The following PHIP variants were observed in gnomAD, a reference collection of about 807,000 sequenced individuals.
PHIP encodes the protein PHIP subunit of CUL4-Ring ligase complex.
A neutral mutation model predicts 236.8 loss-of-function variants in PHIP; 54 were observed. The ratio of observed to expected loss-of-function variants is 0.23; its 90% CI spans 0.18 to 0.29. The LOEUF is 0.29. Among genes scored for constraint, PHIP ranks in the 10% least tolerant of loss-of-function variants. The pLI is 1.00. For missense variants in PHIP, 1,370 were observed against 2,190.8 expected, an observed-to-expected ratio of 0.63 and a Z score of 7.48; for synonymous variants, 756 against 718.9, an observed-to-expected ratio of 1.05 and a Z score of -0.83.
chr6:78,949,686 C>CT (rs374657247), intron 35 of PHIP, among the ~76,000 whole-genome samples: 89 of 147,384 alleles, frequency 6.0e-4, no homozygotes, highest in South Asian at 3.7e-3. Context: ...CTCTTTTTTA[C>CT]TTTTTTTTTT....
intron 7 of PHIP, among the ~76,000 whole-genome samples, chr6:79,038,504 C>T (rs1239362993): frequency 2.6e-5 from 4 of 152,160 alleles, no homozygotes; most frequent in African/African-American, 9.7e-5. Flanking sequence ...TCATCAATTA[C>T]CTTGACAAAC....
intron 12 of PHIP, 115 bp from the exon 13 acceptor site, chr6:79,016,757 T>A: frequency 1.6e-6 from 1 of 608,944 alleles, no homozygotes; most frequent in Non-Finnish European, 2.9e-6. Context: ...TATGCAGCAT[T>A]CTAATAACTT....
intron 15 of PHIP, among the ~76,000 whole-genome samples, chr6:79,006,114 A>G (rs1205060745): frequency 6.6e-6 from 1 of 152,022 alleles, no homozygotes; most frequent in Non-Finnish European, 1.5e-5. Flanking sequence ...CATATCAGAA[A>G]AAAGAAAAGG....
At position 78,934,513 on chromosome 6, in the gene PHIP, A is replaced by T. The variant is rs560595353; in HGVS notation, c.*6180T>A. Reference sequence around the variant, plus strand: ...ACAATAGTGTGTTGTAAAAACATTAAAAGTCCTTCTGCTAAGGGTTCAGAA... The same window carrying T: ...ACAATAGTGTGTTGTAAAAACATTATAAGTCCTTCTGCTAAGGGTTCAGAA... On this transcript the variant is annotated 3_prime_UTR_variant, in exon 40 of 40. Transcript: ENST00000275034. Among the ~76,000 whole-genome samples, 1 of 152,238 alleles carries T rather than the reference A, an allele frequency of 6.6e-6. No individual in the cohort carries two copies. Among genetic ancestry groups the T allele is most frequent in the Admixed American group, 6.5e-5 (1 of 15,276 alleles).
At chr6:78,960,564 C>T (rs939611596) in intron 31 of PHIP, among the ~76,000 whole-genome samples, 1 of 151,444 alleles carries the variant, frequency 6.6e-6, no homozygotes, top group Non-Finnish European at 1.5e-5. Context: ...TTCTCCTTAT[C>T]TCTACGCTTT....
chr6:78,947,727 C>G lies in PHIP; in HGVS notation c.4102G>C (p.Glu1368Gln), dbSNP rs780615780. ...DTPMDFATVR[E>Q]TLEAGNYESP... is the part of the protein sequence containing the mutation. ...TCATAATTCCCAGCCTCTAAAGTTTCTCTAACGGTAGCAAAATCCATTGGA... is the reference window on the plus strand; with the variant it reads ...TCATAATTCCCAGCCTCTAAAGTTTGTCTAACGGTAGCAAAATCCATTGGA... The change falls in exon 36 of 40, where the codon GAA (glutamate) becomes CAA (glutamine). Residue 1368 changes from glutamate to glutamine, a missense_variant. This residue lies in a region of PHIP where 125 missense variants were observed against 235.1 expected (regional missense o/e 0.53). Transcript: ENST00000275034. 1.2e-6 allele frequency: 2 copies of G among 1,604,442 alleles called. No individual in the cohort carries two copies. Among genetic ancestry groups the G allele is most frequent in the African/African-American group, 2.7e-5 (2 of 74,706 alleles).
At chr6:78,998,457 C>T in intron 17 of PHIP, 66 bp from the exon 18 acceptor site, 2 of 1,324,752 alleles carry the variant, frequency 1.5e-6, no homozygotes, top group Non-Finnish European at 2.1e-6. Flanking sequence ...TACTCACCAA[C>T]CTCACTTATG....
chr6:79,032,445 T>C (rs990472200), intron 7 of PHIP, among the ~76,000 whole-genome samples: 1 of 152,224 alleles, frequency 6.6e-6, no homozygotes, highest in Non-Finnish European at 1.5e-5. Flanking sequence ...ACTGAGTTCA[T>C]GTAATAGTCC....
rs571058025 is a variant in PHIP, at chr6:79,067,086, T to C, written c.190-6268A>G. Among the ~76,000 whole-genome samples the C allele has an allele frequency of 2.5e-4, 38 of 152,294 alleles. 1 individual carries two copies. The South Asian group carries it at 7.5e-3, about 30-fold the overall frequency. On this transcript the variant is annotated intron_variant, in intron 4 of 39. Transcript: ENST00000275034. ...TATTTTTTTAGATACAGCATCTCTCTATGCTGCCCAGGCTAGTCTGGAACT... is the reference window on the plus strand; with the variant it reads ...TATTTTTTTAGATACAGCATCTCTCCATGCTGCCCAGGCTAGTCTGGAACT...
intron 7 of PHIP, among the ~76,000 whole-genome samples, chr6:79,041,949 C>T (rs1772238875): frequency 6.6e-6 from 1 of 151,946 alleles, no homozygotes; most frequent in Non-Finnish European, 1.5e-5. Context: ...AGCAAATTTA[C>T]TAAAAAGAGG....
intron 22 of PHIP, among the ~76,000 whole-genome samples, chr6:78,984,542 C>T (rs990912509): frequency 6.6e-6 from 1 of 152,180 alleles, no homozygotes; most frequent in Non-Finnish European, 1.5e-5. Context: ...AATACAGGAA[C>T]TCCTATGTCA....
intron 6 of PHIP, among the ~76,000 whole-genome samples, chr6:79,056,394 T>C (rs973736916): frequency 2.0e-5 from 3 of 152,066 alleles, no homozygotes; most frequent in Non-Finnish European, 4.4e-5. Context: ...GGTGAGGACA[T>C]GGCAGGAAAA....
Position 78,949,367 on chromosome 6 carries a change from A to G in PHIP, c.4054-1592T>C, listed in dbSNP as rs374513900. 6.4e-4 allele frequency among the ~76,000 whole-genome samples: 98 copies of G among 152,162 alleles called. 2 individuals carry two copies. In the South Asian group the frequency reaches 0.019, roughly 29 times the overall value. On this transcript the variant is annotated intron_variant, in intron 35 of 39. Coordinates refer to ENST00000275034, the MANE Select transcript of PHIP (RefSeq NM_017934.7). ...GAACATGTCTTTCATATACATACCAATGAATCCCAAGTATAAAGCCACAAT... is the reference window on the plus strand; with the variant it reads ...GAACATGTCTTTCATATACATACCAGTGAATCCCAAGTATAAAGCCACAAT...
intron 15 of PHIP, among the ~76,000 whole-genome samples, chr6:79,006,656 A>G (rs1304727370): frequency 6.6e-6 from 1 of 152,084 alleles, no homozygotes; most frequent in Non-Finnish European, 1.5e-5. Flanking sequence ...AAAATTTAAT[A>G]CTACATATAG....
intron 35 of PHIP, among the ~76,000 whole-genome samples, chr6:78,951,342 G>A (rs955438720): frequency 1.3e-5 from 2 of 152,022 alleles, no homozygotes; most frequent in African/African-American, 2.4e-5. Flanking sequence ...ATAAATGAAC[G>A]TTGTAGAATA....
chr6:79,043,927 T>C (rs1467633712), intron 6 of PHIP, among the ~76,000 whole-genome samples: 1 of 151,472 alleles, frequency 6.6e-6, no homozygotes, highest in African/African-American at 2.4e-5. Context: ...TAAATATATA[T>C]ACAAAATACT....
Position 79,056,000 on chromosome 6 carries a change from C to T in PHIP, c.439+4478G>A, listed in dbSNP as rs193280089. Among the ~76,000 whole-genome samples, 125 of 152,298 alleles carry T rather than the reference C, an allele frequency of 8.2e-4. 1 individual carries two copies. The highest frequency in any genetic ancestry group is 7.1e-4 in the Non-Finnish European group (48 of 68,026). ...ATACCTTACCCACCTTTGAACTTTA[C>T]TTGTCCCATCCCAGTGTATGAATTT... On this transcript the variant is annotated intron_variant, in intron 6 of 39. Transcript: ENST00000275034.
At chr6:79,013,683 G>A (rs1770699983) in intron 15 of PHIP, among the ~76,000 whole-genome samples, 1 of 151,552 alleles carries the variant, frequency 6.6e-6, no homozygotes. Flanking sequence ...TACCTGATAA[G>A]GGAAAATTCA....
intron 4 of PHIP, among the ~76,000 whole-genome samples, chr6:79,063,477 C>T (rs1773478556): frequency 6.6e-6 from 1 of 152,132 alleles, no homozygotes; most frequent in South Asian, 2.1e-4. Flanking sequence ...AGTACAATGG[C>T]GGGATCTCGG....
Sources: allele counts gnomAD v4.1 joint callset (sites outside exome capture counted in the v4.1 genomes callset), GRCh38; gene constraint gnomAD v4.1.1; regional missense constraint gnomAD v4.1.1; transcripts MANE v1.5; gene names NCBI Gene and HGNC (gene_info 2026-07-23, HGNC 2026-07-21).